The following GALNTL6 variants were observed in gnomAD, a reference collection of about 807,000 sequenced individuals.
GALNTL6 encodes the protein polypeptide N-acetylgalactosaminyltransferase-like 6.
Under a neutral mutation model 73.7 loss-of-function variants are expected in GALNTL6, and 46 were observed. The ratio of observed to expected loss-of-function variants is 0.62; its 90% confidence interval spans 0.49 to 0.80. GALNTL6 has a LOEUF of 0.80. Ranked by LOEUF, GALNTL6 falls within the 30% of genes least tolerant of loss-of-function variation. The pLI is 0.00. For synonymous variants in GALNTL6, 259 were observed against 263.7 expected, an observed-to-expected ratio of 0.98 and a Z score of 0.17; for missense variants, 604 against 755.0, an observed-to-expected ratio of 0.80 and a Z score of 2.34.
intron 2 of GALNTL6, among the ~76,000 whole-genome samples, chr4:171,991,441 C>G (rs1740331355): frequency 2.0e-5 from 3 of 151,790 alleles, no homozygotes; most frequent in Admixed American, 2.0e-4. Context: ...GTGTCGTTAA[C>G]AGAGAGTAAG....
intron 2 of GALNTL6, among the ~76,000 whole-genome samples, chr4:172,013,768 C>T (rs972436405): frequency 2.6e-5 from 4 of 152,054 alleles, no homozygotes; most frequent in East Asian, 3.9e-4. Context: ...TGACTATAGT[C>T]ACCTTGTTGT....
intron 5 of GALNTL6, among the ~76,000 whole-genome samples, chr4:172,586,802 G>T (rs764434418): frequency 6.6e-6 from 1 of 152,174 alleles, no homozygotes; most frequent in African/African-American, 2.4e-5. Context: ...GTACTTGAAC[G>T]TGAAAGCTAA....
chr4:172,414,978 C>T (rs562811668), intron 5 of GALNTL6, among the ~76,000 whole-genome samples: 1 of 152,202 alleles, frequency 6.6e-6, no homozygotes, highest in Non-Finnish European at 1.5e-5. Flanking sequence ...TCACACATTT[C>T]TGATGTCTCT....
rs551119083 is a variant in GALNTL6 at position 172,475,796 on chromosome 4, C to T, written c.553+127107C>T. ...AAATCAAAGTGAAATCTCCAGATAA[C>T]GAAATCATGTCATACTTCTATCCAG... On this transcript the variant is annotated intron_variant, in intron 5 of 12. Transcript: ENST00000506823. 1.6e-3 allele frequency among the ~76,000 whole-genome samples: 251 copies of T among 152,254 alleles called. 1 individual carries two copies. Among genetic ancestry groups the T allele is most frequent in the African/African-American group, 5.7e-3 (237 of 41,536 alleles).
At chr4:172,524,376 G>A (rs956710482) in intron 5 of GALNTL6, among the ~76,000 whole-genome samples, 3 of 152,020 alleles carry the variant, frequency 2.0e-5, no homozygotes, top group Non-Finnish European at 4.4e-5. Context: ...AGCCTCCCGA[G>A]TAGCTGGGAT....
chr4:171,939,369 G>A (rs1233421905), intron 2 of GALNTL6, among the ~76,000 whole-genome samples: 1 of 151,646 alleles, frequency 6.6e-6, no homozygotes, highest in Admixed American at 6.6e-5. Context: ...CTATTCTTGG[G>A]TATTAGATAA....
intron 5 of GALNTL6, among the ~76,000 whole-genome samples, chr4:172,503,738 A>G (rs1444892149): frequency 1.3e-5 from 2 of 152,052 alleles, no homozygotes; most frequent in Non-Finnish European, 2.9e-5. Flanking sequence ...AAAAAAAGTA[A>G]TATTCTAAAC....
intron 3 of GALNTL6, among the ~76,000 whole-genome samples, chr4:172,231,734 A>C (rs188988639): frequency 6.6e-6 from 1 of 152,282 alleles, no homozygotes; most frequent in East Asian, 1.9e-4. Flanking sequence ...AAACTCAACT[A>C]ATGATAACTG....
rs190084406 is a variant in GALNTL6 at position 172,442,054 on chromosome 4, A to G, written c.553+93365A>G. 1.2e-4 allele frequency among the ~76,000 whole-genome samples: 18 copies of G among 152,300 alleles called. No homozygotes were observed. The East Asian group carries it at 3.5e-3, about 29-fold the overall frequency. Reference sequence around the variant, plus strand: ...ATATAATTAGTTATTTATAAGAAATATATATTAAATAATGCATTTTTAAAC... The same window carrying G: ...ATATAATTAGTTATTTATAAGAAATGTATATTAAATAATGCATTTTTAAAC... On this transcript the variant is annotated intron_variant, in intron 5 of 12. Transcript: ENST00000506823.
intron 2 of GALNTL6, among the ~76,000 whole-genome samples, chr4:172,166,188 G>T (rs1734618371): frequency 6.6e-6 from 1 of 152,164 alleles, no homozygotes; most frequent in South Asian, 2.1e-4. Flanking sequence ...TCCGGGCATG[G>T]AGGCTCACGC....
chr4:172,377,354 A>G (rs909349044), intron 5 of GALNTL6, among the ~76,000 whole-genome samples: 4 of 152,132 alleles, frequency 2.6e-5, no homozygotes, highest in Admixed American at 2.6e-4. Flanking sequence ...CAGAGTGCTG[A>G]TTGGTGTGTT....
chr4:172,440,619 G>T (rs1056515023), intron 5 of GALNTL6, among the ~76,000 whole-genome samples: 1 of 152,022 alleles, frequency 6.6e-6, no homozygotes, highest in African/African-American at 2.4e-5. Context: ...CTAGAAATTG[G>T]GTGACTCTGA....
At chr4:172,644,057 A>T (rs1300914346) in intron 5 of GALNTL6, among the ~76,000 whole-genome samples, 2 of 151,250 alleles carry the variant, frequency 1.3e-5, no homozygotes, top group Non-Finnish European at 3.0e-5. Flanking sequence ...AAAATTTAGT[A>T]TTTTCTATCT....
chr4:171,827,116 C>A (rs1043915373), intron 2 of GALNTL6, among the ~76,000 whole-genome samples: 4 of 152,110 alleles, frequency 2.6e-5, no homozygotes, highest in Non-Finnish European at 5.9e-5. Flanking sequence ...TAAGGTTACA[C>A]TTTATATAGG....
intron 10 of GALNTL6, among the ~76,000 whole-genome samples, chr4:172,976,377 T>C (rs1365284260): frequency 6.6e-6 from 1 of 152,154 alleles, no homozygotes; most frequent in Non-Finnish European, 1.5e-5. Context: ...CTCTAAGACA[T>C]AGAAGTCACA....
intron 2 of GALNTL6, among the ~76,000 whole-genome samples, chr4:171,851,890 T>G (rs766814124): frequency 6.6e-6 from 1 of 152,214 alleles, no homozygotes; most frequent in South Asian, 2.1e-4. Context: ...ATTTAGAATA[T>G]AAACTCTTGT....
chr4:172,206,779 TTTGTTTTGTTTTG>T (rs1560969144), intron 2 of GALNTL6, among the ~76,000 whole-genome samples: 1 of 81,594 alleles, frequency 1.2e-5, no homozygotes, highest in Non-Finnish European at 2.8e-5. Context: ...AAACGTGTTT[TTTGTTTTGTTTTG>T]TTTTGTTTTT....
intron 2 of GALNTL6, among the ~76,000 whole-genome samples, chr4:171,962,110 ATAGT>A (rs1238582704): frequency 6.6e-6 from 1 of 152,194 alleles, no homozygotes; most frequent in Non-Finnish European, 1.5e-5. Flanking sequence ...AGACACCCTA[ATAGT>A]TAGGCAGGAA....
chr4:173,031,325 C>T (rs1753451138), intron 12 of GALNTL6, among the ~76,000 whole-genome samples: 1 of 152,184 alleles, frequency 6.6e-6, no homozygotes, highest in Non-Finnish European at 1.5e-5. Context: ...TTGATTTTCG[C>T]TCTCCAAATA....
Sources: allele counts gnomAD v4.1 joint callset (sites outside exome capture counted in the v4.1 genomes callset), GRCh38; gene constraint gnomAD v4.1.1; transcripts MANE v1.5; gene names NCBI Gene and HGNC (gene_info 2026-07-23, HGNC 2026-07-21).